The following FGGY variants were observed in gnomAD, a reference collection of about 807,000 sequenced individuals.
FGGY encodes FGGY carbohydrate kinase domain containing.
Under a neutral mutation model 71.3 loss-of-function variants are expected in FGGY, and 72 were observed. The ratio of observed to expected loss-of-function variants is 1.01; its 90% CI spans 0.84 to 1.23. The LOEUF (loss-of-function observed/expected upper bound fraction) is 1.23, where lower values mean the gene tolerates loss of function less well. Among genes scored for constraint, FGGY ranks in the 50% most tolerant of loss-of-function variants. FGGY has a pLI of 0.00. For synonymous variants in FGGY, 251 were observed against 250.3 expected (o/e 1.00, Z -0.02); for missense variants, 668 against 682.3 (o/e 0.98, Z 0.23).
rs139311429 is a variant in FGGY, at chr1:59,453,653, T to G, written c.555-3308T>G. ...CTCCATGTTTCTCTTATCCTCCTCA[T>G]GGGACCAGTGGACTAGCCTAGAATG... On this transcript the variant is annotated intron_variant, in intron 5 of 15. Coordinates refer to ENST00000303721, the MANE Select transcript of FGGY (RefSeq NM_018291.5). 3.9e-4 allele frequency among the ~76,000 whole-genome samples: 59 copies of G among 152,232 alleles called. No individual in the cohort carries two copies. The East Asian group carries it at 9.9e-3, about 26-fold the overall frequency.
chr1:59,580,164 A>G (rs374611946), intron 8 of FGGY, among the ~76,000 whole-genome samples: 3 of 151,942 alleles, frequency 2.0e-5, no homozygotes, highest in African/African-American at 7.3e-5. Flanking sequence ...TAACCTCTCT[A>G]TCCTTCTTTA....
At chr1:59,328,682 G>A (rs1280200931) in intron 2 of FGGY, among the ~76,000 whole-genome samples, 1 of 152,088 alleles carries the variant, frequency 6.6e-6, no homozygotes, top group Non-Finnish European at 1.5e-5. Context: ...ACTTGACTAA[G>A]CTTAATCATT....
At chr1:59,344,392 G>A (rs2051352946) in intron 3 of FGGY, among the ~76,000 whole-genome samples, 1 of 151,584 alleles carries the variant, frequency 6.6e-6, no homozygotes, top group African/African-American at 2.4e-5. Flanking sequence ...GCCTACCACT[G>A]AGGATAAACA....
intron 8 of FGGY, among the ~76,000 whole-genome samples, chr1:59,566,540 CT>C (rs1264625522): frequency 6.6e-6 from 1 of 151,966 alleles, no homozygotes; most frequent in Non-Finnish European, 1.5e-5. Context: ...CAATGGGAAG[CT>C]TTTTGAGCAA....
chr1:59,311,812 C>T (rs908002680), intron 1 of FGGY, among the ~76,000 whole-genome samples: 5 of 152,160 alleles, frequency 3.3e-5, no homozygotes, highest in South Asian at 2.1e-4. Context: ...CTTGAGGAAT[C>T]GCCATACTGC....
chr1:59,392,143 T>A (rs751063783), intron 5 of FGGY, among the ~76,000 whole-genome samples: 25 of 152,192 alleles, frequency 1.6e-4, no homozygotes, highest in Non-Finnish European at 2.9e-4. Flanking sequence ...TCAGTCTTTG[T>A]GAACTCTTAA....
intron 14 of FGGY, among the ~76,000 whole-genome samples, chr1:59,692,200 C>A (rs1301836857): frequency 6.6e-6 from 1 of 152,154 alleles, no homozygotes; most frequent in Admixed American, 6.5e-5. Context: ...AAGTAAATGA[C>A]CCGGACTTCC....
At chr1:59,544,235 G>A (rs1382740996) in intron 7 of FGGY, among the ~76,000 whole-genome samples, 2 of 152,292 alleles carry the variant, frequency 1.3e-5, no homozygotes, top group East Asian at 3.8e-4. Context: ...TAGACCCAGA[G>A]GAACAGTTAA....
At chr1:59,602,137 A>G (rs923067492) in intron 8 of FGGY, among the ~76,000 whole-genome samples, 1 of 152,232 alleles carries the variant, frequency 6.6e-6, no homozygotes, top group Admixed American at 6.5e-5. Flanking sequence ...AAATATTTCT[A>G]GTCCAATCAA....
At chr1:59,733,572 C>T (rs2098068515) in intron 14 of FGGY, among the ~76,000 whole-genome samples, 1 of 152,144 alleles carries the variant, frequency 6.6e-6, no homozygotes, top group Non-Finnish European at 1.5e-5. Flanking sequence ...AATAGTCAAG[C>T]TTAAAACCCA....
intron 14 of FGGY, among the ~76,000 whole-genome samples, chr1:59,681,954 T>C (rs1158002121): frequency 1.3e-5 from 2 of 152,208 alleles, no homozygotes; most frequent in Admixed American, 1.3e-4. Flanking sequence ...ATCATAATTA[T>C]AGTTTCCTAA....
At chr1:59,481,026 CAT>C (rs2093448094) in intron 6 of FGGY, among the ~76,000 whole-genome samples, 1 of 151,924 alleles carries the variant, frequency 6.6e-6, no homozygotes, top group African/African-American at 2.4e-5. Context: ...GACATACACA[CAT>C]ATAATTTATA....
At chr1:59,550,386 AG>A (rs555559091) in intron 7 of FGGY, among the ~76,000 whole-genome samples, 146 of 151,788 alleles carry the variant, frequency 9.6e-4, no homozygotes, top group African/African-American at 3.3e-3. Flanking sequence ...GTGTGGCCAA[AG>A]GAAAAATAAG....
At chr1:59,354,374 C>T (rs149368922) in intron 4 of FGGY, among the ~76,000 whole-genome samples, 1 of 152,168 alleles carries the variant, frequency 6.6e-6, no homozygotes, top group East Asian at 1.9e-4. Flanking sequence ...CCACTGTGCC[C>T]AGCCTAATTA....
In FGGY at chr1:59,687,999, C is replaced by T. The variant is rs565334287; in HGVS notation, c.1512+13866C>T. 7.5e-4 allele frequency among the ~76,000 whole-genome samples: 114 copies of T among 152,268 alleles called. 1 individual carries two copies. The highest frequency in any genetic ancestry group is 2.6e-3 in the African/African-American group (109 of 41,560). ...GGGATGGCTGGTTATCATGGAGAGA[C>T]GTTCACTTGGACTAAAGCTCAAAAG... On this transcript the variant is annotated intron_variant, in intron 14 of 15. Coordinates refer to ENST00000303721, the MANE Select transcript of FGGY (RefSeq NM_018291.5).
At chr1:59,481,365 A>AT (rs1403957588) in intron 6 of FGGY, among the ~76,000 whole-genome samples, 8 of 152,108 alleles carry the variant, frequency 5.3e-5, no homozygotes, top group African/African-American at 4.8e-5. Flanking sequence ...AGAACCATTA[A>AT]TTTGTGGCTG....
In FGGY at chr1:59,467,690, C is replaced by T. The variant is rs1240249564; in HGVS notation, c.670+10614C>T. 2.6e-5 allele frequency among the ~76,000 whole-genome samples: 4 copies of T among 152,064 alleles called. No individual in the cohort carries two copies. The East Asian group carries it at 7.7e-4, about 29-fold the overall frequency. On this transcript the variant is annotated intron_variant, in intron 6 of 15. Transcript: ENST00000303721. The stretch of plus-strand genomic sequence containing the variant: ...TTACACTTTCTTCCCCACCACTGTA[C>T]TGAAATTAAAAAAATAATAATAAAA...
At chr1:59,542,513 G>C (rs182775674) in intron 7 of FGGY, among the ~76,000 whole-genome samples, 22 of 128,186 alleles carry the variant, frequency 1.7e-4, no homozygotes, top group Admixed American at 3.9e-4. Flanking sequence ...AGGCTGGAGT[G>C]CGATGGCACG....
chr1:59,381,669 G>GTA (rs1300609800), intron 5 of FGGY, among the ~76,000 whole-genome samples: 6 of 136,384 alleles, frequency 4.4e-5, no homozygotes, highest in East Asian at 4.1e-4. Flanking sequence ...GTGTGTGTGT[G>GTA]TATATTTTGG....
Sources: gnomAD v4.1 joint callset for allele counts (sites outside exome capture counted in the v4.1 genomes callset) on GRCh38, gnomAD v4.1.1 for gene constraint, MANE v1.5 for transcripts, NCBI Gene and HGNC (gene_info 2026-07-23, HGNC 2026-07-21) for gene names.